Variants in POLN observed in about 807,000 individuals in gnomAD.
POLN encodes the protein DNA polymerase nu.
POLN carries 108 observed loss-of-function variants against 113.5 expected under a neutral mutation model. That is an observed-to-expected ratio of 0.95 (90% CI 0.81 to 1.12). The LOEUF (loss-of-function observed/expected upper bound fraction) is 1.12, where lower values mean the gene tolerates loss of function less well. Among genes scored for constraint, POLN ranks in the 50% most tolerant of loss-of-function variants. The probability of loss-of-function intolerance (pLI) is 0.00; values close to 1 mark genes in which losing one functional copy is unlikely to be tolerated. For synonymous variants in POLN, 386 were observed against 391.5 expected, an observed-to-expected ratio of 0.99 and a Z score of 0.17; for missense variants, 1,097 against 1,077.1, an observed-to-expected ratio of 1.02 and a Z score of -0.26.
intron 19 of POLN, among the ~76,000 whole-genome samples, chr4:2,113,658 G>C (rs912997570): frequency 2.6e-5 from 4 of 151,306 alleles, no homozygotes; most frequent in African/African-American, 9.7e-5. Flanking sequence ...AGGAGTTTGA[G>C]GCCAGCCTGG....
At chr4:2,089,912 C>G in intron 20 of POLN, 1 of 994,594 alleles carries the variant, frequency 1.0e-6, no homozygotes. Context: ...TCACAGGAAT[C>G]TCTTGACATA....
At chr4:2,165,313 A>G (rs1348867363) in intron 13 of POLN, among the ~76,000 whole-genome samples, 1 of 152,254 alleles carries the variant, frequency 6.6e-6, no homozygotes, top group African/African-American at 2.4e-5. Context: ...ACTAAGTGAA[A>G]TAAGTCAATC....
At chr4:2,168,732 G>A (rs1732789398) in intron 13 of POLN, among the ~76,000 whole-genome samples, 1 of 152,196 alleles carries the variant, frequency 6.6e-6, no homozygotes, top group Non-Finnish European at 1.5e-5. Context: ...TGTCCACTGT[G>A]TGGTGTTGAG....
chr4:2,190,590 A>C (rs539220553), intron 7 of POLN, among the ~76,000 whole-genome samples: 24 of 152,334 alleles, frequency 1.6e-4, no homozygotes, highest in Non-Finnish European at 2.5e-4. Flanking sequence ...GTGAACAGAC[A>C]ACTCACAGAA....
chr4:2,125,359 G>A (rs1359467942), intron 19 of POLN, among the ~76,000 whole-genome samples: 1 of 152,200 alleles, frequency 6.6e-6, no homozygotes, highest in African/African-American at 2.4e-5. Flanking sequence ...AGGGAGTTCA[G>A]GAGCCCCTGT....
chr4:2,142,512 T>G (rs539286547), intron 16 of POLN, among the ~76,000 whole-genome samples: 3 of 152,130 alleles, frequency 2.0e-5, no homozygotes, highest in Non-Finnish European at 4.4e-5. Context: ...CCTGGGCAAG[T>G]GTAAGAGACT....
At chr4:2,172,849 T>C (rs1184197605) in intron 11 of POLN, among the ~76,000 whole-genome samples, 1 of 152,136 alleles carries the variant, frequency 6.6e-6, no homozygotes, top group Non-Finnish European at 1.5e-5. Context: ...GCACAGGGAA[T>C]GCACTCAGAG....
chr4:2,079,621 C>G, intron 23 of POLN: 1 of 984,740 alleles, frequency 1.0e-6, no homozygotes, highest in Non-Finnish European at 1.2e-6. Context: ...GAGTCTTGCT[C>G]TCACCCAGGC....
At chr4:2,214,597 C>T (rs567370209) in intron 3 of POLN, among the ~76,000 whole-genome samples, 27 of 152,120 alleles carry the variant, frequency 1.8e-4, no homozygotes, top group Middle Eastern at 3.4e-3. Context: ...CTCAGGGAAA[C>T]GCAAATTAAC....
intron 5 of POLN, among the ~76,000 whole-genome samples, chr4:2,206,232 T>C (rs1323673194): frequency 6.6e-6 from 1 of 152,216 alleles, no homozygotes; most frequent in Non-Finnish European, 1.5e-5. Context: ...TCTCTCACCT[T>C]ATACAAACAT....
chr4:2,101,346 C>T (rs1205011632), intron 19 of POLN, among the ~76,000 whole-genome samples: 2 of 152,130 alleles, frequency 1.3e-5, no homozygotes, highest in Non-Finnish European at 2.9e-5. Flanking sequence ...TAGACAATCA[C>T]ACTTTGAATA....
At chr4:2,217,170 G>A (rs867244) in intron 3 of POLN, among the ~76,000 whole-genome samples, 5 of 151,830 alleles carry the variant, frequency 3.3e-5, no homozygotes, top group African/African-American at 7.3e-5. Context: ...GCCACTAACC[G>A]CTGCCCAAGA....
intron 2 of POLN, among the ~76,000 whole-genome samples, 160 bp downstream of exon 2, chr4:2,241,360 A>G (rs1413236663): frequency 6.6e-6 from 1 of 152,250 alleles, no homozygotes; most frequent in East Asian, 1.9e-4. Flanking sequence ...TTTAAAATGC[A>G]TTACACTTTA....
intron 1 of POLN, 58 bp from the exon 2 acceptor site, chr4:2,241,848 C>T (rs1001915797): frequency 4.1e-6 from 4 of 985,400 alleles, no homozygotes; most frequent in Non-Finnish European, 4.8e-6. Context: ...CTGCAGAAGA[C>T]GGGGGTGACA....
intron 16 of POLN, among the ~76,000 whole-genome samples, chr4:2,152,241 T>C (rs1239412603): frequency 6.6e-6 from 1 of 151,854 alleles, no homozygotes; most frequent in Admixed American, 6.6e-5. Flanking sequence ...TTTCACCATG[T>C]TGTCCAGCCT....
chr4:2,239,887 T>C (rs900981476), intron 2 of POLN: 9 of 644,296 alleles, frequency 1.4e-5, no homozygotes, highest in Admixed American at 6.4e-5. Flanking sequence ...GTATGAAACA[T>C]TGACACAGAT....
At chr4:2,176,224 T>C (rs1732992104) in intron 9 of POLN, 42 bp downstream of exon 9, 3 of 1,512,590 alleles carry the variant, frequency 2.0e-6, no homozygotes, top group African/African-American at 2.8e-5. Context: ...AGACATCTCT[T>C]GTGAGCCTCT....
intron 20 of POLN, among the ~76,000 whole-genome samples, chr4:2,091,604 C>T (rs1052529657): frequency 5.3e-5 from 8 of 152,148 alleles, no homozygotes; most frequent in African/African-American, 7.2e-5. Flanking sequence ...AGAACTTGTC[C>T]CCACACTGTG....
At chr4:2,158,026 G>A in intron 14 of POLN, 115 bp from the exon 15 acceptor site, 1 of 638,892 alleles carries the variant, frequency 1.6e-6, no homozygotes, top group Non-Finnish European at 2.6e-6. Flanking sequence ...ATCTCGGCTT[G>A]CCGCAACTTC....
Sources: gnomAD v4.1 joint callset for allele counts (sites outside exome capture counted in the v4.1 genomes callset) on GRCh38, gnomAD v4.1.1 for gene constraint, MANE v1.5 for transcripts, NCBI Gene and HGNC (gene_info 2026-07-23, HGNC 2026-07-21) for gene names.